Variants in MAPKAP1 observed in about 807,000 individuals in gnomAD.
MAPKAP1 encodes MAPK associated protein 1, also known as target of rapamycin complex 2 subunit MAPKAP1.
A neutral mutation model predicts 65.7 loss-of-function variants in MAPKAP1; 20 were observed. That is an observed-to-expected ratio of 0.30 (90% CI 0.21 to 0.44). The LOEUF (loss-of-function observed/expected upper bound fraction) is 0.44. Ranked by LOEUF, MAPKAP1 falls within the 20% of genes least tolerant of loss-of-function variation. MAPKAP1 has a pLI of 1.00. For missense variants in MAPKAP1, 423 were observed against 648.0 expected (o/e 0.65, Z 3.77); for synonymous variants, 222 against 244.3 (o/e 0.91, Z 0.85).
At chr9:125,572,316 A>T (rs1831259573) in intron 5 of MAPKAP1, among the ~76,000 whole-genome samples, 1 of 152,246 alleles carries the variant, frequency 6.6e-6, no homozygotes, top group African/African-American at 2.4e-5. Flanking sequence ...CTTGGTTTTA[A>T]GAAATCTTAA....
chr9:125,482,975 G>C (rs986836518), intron 9 of MAPKAP1, among the ~76,000 whole-genome samples: 8 of 152,166 alleles, frequency 5.3e-5, no homozygotes, highest in Non-Finnish European at 8.8e-5. Context: ...TTACAGATAA[G>C]GAAACTGGGG....
intron 4 of MAPKAP1, among the ~76,000 whole-genome samples, chr9:125,649,085 G>A (rs1311893481): frequency 2.6e-5 from 4 of 152,234 alleles, no homozygotes; most frequent in South Asian, 2.1e-4. Flanking sequence ...CTCATTCTTC[G>A]AGGGAGAAGA....
intron 3 of MAPKAP1, among the ~76,000 whole-genome samples, chr9:125,659,659 T>C (rs1024464048): frequency 6.6e-6 from 1 of 151,544 alleles, no homozygotes; most frequent in African/African-American, 2.4e-5. Flanking sequence ...TCTTCCATTG[T>C]CAATTTTTCT....
At chr9:125,523,271 T>C (rs770817960) in intron 7 of MAPKAP1, among the ~76,000 whole-genome samples, 5 of 152,220 alleles carry the variant, frequency 3.3e-5, no homozygotes, top group African/African-American at 7.2e-5. Flanking sequence ...CCCTGCCCTC[T>C]GATACTGCCT....
In MAPKAP1 at chr9:125,596,512, G is replaced by C. The variant is rs1215843628; in HGVS notation, c.499-10785C>G. On this transcript the variant is annotated intron_variant, in intron 4 of 11. Transcript: ENST00000265960. Reference sequence around the variant, plus strand: ...ACCCATGATGAAAGGAAACTTTGGAGGCAGAAGCTCTGGCAGCTATGGTGG... The same window carrying C: ...ACCCATGATGAAAGGAAACTTTGGACGCAGAAGCTCTGGCAGCTATGGTGG... 5.5e-6 allele frequency: 4 copies of C among 732,726 alleles called. No individual in the cohort carries two copies. In the African/African-American group the frequency reaches 6.9e-5, roughly 13 times the overall value. 45.4% of individuals were successfully genotyped at this position (732,726 alleles called of 1,614,324 possible). A position where few individuals can be genotyped will look rare whatever the true frequency, so the allele number is the denominator to read the frequency against.
Position 125,439,092 on chromosome 9 carries a change from A to G in MAPKAP1, c.1444-80T>C. 1.3e-5 allele frequency: 20 copies of G among 1,563,236 alleles called. No individual in the cohort carries two copies. Among genetic ancestry groups the G allele is most frequent in the Non-Finnish European group, 1.7e-5 (19 of 1,150,230 alleles). ...AGGGCATCGGAGGGGGTGGCAGGGA[A>G]GGCCCTGACCTGGGCCGGGTGCCTC... On this transcript the variant is annotated intron_variant, in intron 11 of 11. Transcript: ENST00000265960. This position sits in a 1 kb window ranked among gnomAD's most constrained non-coding sequence, Gnocchi z 4.0.
Position 125,690,983 on chromosome 9 carries a change from C to T in MAPKAP1, c.-70+15988G>A, listed in dbSNP as rs1030678465. Among the ~76,000 whole-genome samples the T allele has an allele frequency of 5.3e-5, 8 of 152,122 alleles. 1 individual carries two copies. Among genetic ancestry groups the T allele is most frequent in the Admixed American group, 2.0e-4 (3 of 15,264 alleles). ...TTAAGAGATAAAAACTGGTAGAGGC[C>T]GGGCGCAGTGGCTCACGCCTGTAAT... On this transcript the variant is annotated intron_variant, in intron 1 of 11. Transcript: ENST00000265960.
chr9:125,621,303 A>G (rs908463754), intron 4 of MAPKAP1, among the ~76,000 whole-genome samples: 1 of 152,010 alleles, frequency 6.6e-6, no homozygotes, highest in Non-Finnish European at 1.5e-5. Flanking sequence ...ACAAACCACA[A>G]AAGTGCTATC....
At chr9:125,484,009 A>C (rs1239188873) in intron 9 of MAPKAP1, among the ~76,000 whole-genome samples, 1 of 152,256 alleles carries the variant, frequency 6.6e-6, no homozygotes, top group Non-Finnish European at 1.5e-5. Flanking sequence ...TGAAAGTTCC[A>C]AATTATATGA....
chr9:125,444,228 G>A (rs922866968), intron 11 of MAPKAP1, among the ~76,000 whole-genome samples: 1 of 152,252 alleles, frequency 6.6e-6, no homozygotes, highest in African/African-American at 2.4e-5. Flanking sequence ...ACAAATACAG[G>A]AAGAGCCAGG....
intron 4 of MAPKAP1, among the ~76,000 whole-genome samples, chr9:125,651,726 G>C (rs187814208): frequency 1.4e-4 from 21 of 152,312 alleles, no homozygotes; most frequent in Middle Eastern, 3.4e-3. Flanking sequence ...AGCAAGCAAA[G>C]CCCTGGAGAA....
intron 4 of MAPKAP1, chr9:125,652,260 G>A: frequency 1.6e-6 from 2 of 1,244,734 alleles, no homozygotes; most frequent in South Asian, 1.4e-5. Context: ...GAACAATGCT[G>A]AAACAAGAGC....
intron 4 of MAPKAP1, among the ~76,000 whole-genome samples, chr9:125,599,282 T>C (rs569419816): frequency 7.9e-5 from 12 of 152,182 alleles, no homozygotes; most frequent in Non-Finnish European, 1.6e-4. Context: ...ACTGATGATG[T>C]CCCTGTCACC....
chr9:125,502,799 T>G (rs1239645272), intron 8 of MAPKAP1, among the ~76,000 whole-genome samples: 1 of 152,224 alleles, frequency 6.6e-6, no homozygotes, highest in African/African-American at 2.4e-5. Flanking sequence ...TCCATGAGGT[T>G]AAGTTTAACT....
chr9:125,645,067 C>G (rs1833686974), intron 4 of MAPKAP1, among the ~76,000 whole-genome samples: 1 of 152,020 alleles, frequency 6.6e-6, no homozygotes, highest in Non-Finnish European at 1.5e-5. Flanking sequence ...ATTCTGGGTC[C>G]TTTGTGTCTG....
chr9:125,669,859 C>T lies in MAPKAP1; in HGVS notation c.308G>A (p.Cys103Tyr). 6.3e-7 allele frequency: 1 copy of T among 1,595,126 alleles called. No individual in the cohort carries two copies. Among genetic ancestry groups the T allele is most frequent in the Non-Finnish European group, 8.6e-7 (1 of 1,168,718 alleles). The change falls in exon 3 of 12, where the codon TGC (cysteine) becomes TAC (tyrosine). Residue 103 changes from cysteine to tyrosine, a missense_variant. Cys to Tyr is a radical substitution (Grantham distance 194). Around this residue, in one of 6 missense-constraint regions of MAPKAP1, gnomAD observed 67 missense variants for 69.6 expected, o/e 0.96. Transcript: ENST00000265960. ...TCTTTCTTTCCACTGAATATTTTTG[C>T]ATTTGATCTGGTTTTGTCTCTCTTT... is the stretch of plus-strand genomic sequence containing the variant. ...LRKERQNQIK[C>Y]KNIQWKERNS...
intron 8 of MAPKAP1, among the ~76,000 whole-genome samples, chr9:125,492,527 T>C (rs2133055608): frequency 6.6e-6 from 1 of 152,338 alleles, no homozygotes; most frequent in Admixed American, 6.5e-5. Flanking sequence ...TTTTCATAGA[T>C]GTGATTTAAT....
At chr9:125,556,415 T>C (rs1047949048) in intron 6 of MAPKAP1, among the ~76,000 whole-genome samples, 3 of 152,234 alleles carry the variant, frequency 2.0e-5, no homozygotes, top group African/African-American at 4.8e-5. Flanking sequence ...GGAAAGGGCA[T>C]GGACTTTAAA....
rs1564622558 is a variant in MAPKAP1, at chr9:125,698,316, T to TATATATATAAA, written c.-70+8654_-70+8655insTTTATATATAT. Among the ~76,000 whole-genome samples, 50 of 86,634 alleles carry TATATATATAAA rather than the reference T, an allele frequency of 5.8e-4. 1 individual carries two copies. Among genetic ancestry groups the TATATATATAAA allele is most frequent in the South Asian group, 1.6e-3 (5 of 3,222 alleles). The allele number at this position is 86,634 out of a possible 152,430, so 56.8% of individuals were successfully genotyped here. A position where few individuals can be genotyped will look rare whatever the true frequency, so the allele number is the denominator to read the frequency against. The stretch of plus-strand genomic sequence containing the variant: ...ATATATATATATATATATATATATA[T>TATATATATAAA]ATATATATATATATATATATAAAAT... On this transcript the variant is annotated intron_variant, in intron 1 of 11. Transcript: ENST00000265960.
Sources: allele counts gnomAD v4.1 joint callset (sites outside exome capture counted in the v4.1 genomes callset), GRCh38; gene constraint gnomAD v4.1.1; regional missense constraint gnomAD v4.1.1; non-coding constraint Gnocchi (gnomAD v3.1); transcripts MANE v1.5; gene names NCBI Gene and HGNC (gene_info 2026-07-23, HGNC 2026-07-21).